The following PPP3CA variants were observed in gnomAD, a reference collection of about 807,000 sequenced individuals.
The protein encoded by PPP3CA is CAM-PRP catalytic subunit.
PPP3CA carries 14 observed loss-of-function variants against 66.5 expected under a neutral mutation model. The observed-to-expected ratio is 0.21, with a 90% confidence interval of 0.14 to 0.33. The LOEUF (loss-of-function observed/expected upper bound fraction) is 0.33, where lower values mean the gene tolerates loss of function less well. Ranked by LOEUF, PPP3CA falls within the 10% of genes least tolerant of loss-of-function variation. PPP3CA has a pLI of 1.00. For synonymous variants in PPP3CA, 232 were observed against 226.2 expected (o/e 1.03, Z -0.23); for missense variants, 317 against 639.5 (o/e 0.50, Z 5.44).
At position 101,139,130 on chromosome 4, in the gene PPP3CA, G is replaced by A. The variant is rs182345290; in HGVS notation, c.260-30052C>T. On this transcript the variant is annotated intron_variant, in intron 2 of 13. Coordinates refer to ENST00000394854, the MANE Select transcript of PPP3CA (RefSeq NM_000944.5). The stretch of plus-strand genomic sequence containing the variant: ...GAAGCTGAGGCAGGTGGATCACAAC[G>A]TCAGGAGATCAAGACCATCCTGCTA... 2.6e-4 allele frequency among the ~76,000 whole-genome samples: 40 copies of A among 152,070 alleles called. No individual in the cohort carries two copies. In the East Asian group the frequency reaches 5.2e-3, roughly 20 times the overall value.
intron 1 of PPP3CA, among the ~76,000 whole-genome samples, chr4:101,257,366 C>T (rs1726878741): frequency 6.7e-6 from 1 of 148,692 alleles, no homozygotes; most frequent in South Asian, 2.1e-4. Flanking sequence ...CATTCAGTGA[C>T]AGATCCAATG....
intron 1 of PPP3CA, among the ~76,000 whole-genome samples, chr4:101,311,648 CGT>C (rs1396742327): frequency 6.6e-6 from 1 of 152,102 alleles, no homozygotes; most frequent in Non-Finnish European, 1.5e-5. Context: ...GGCATGGTGG[CGT>C]GTGTCTGTAA....
At chr4:101,165,586 C>T (rs968450909) in intron 2 of PPP3CA, among the ~76,000 whole-genome samples, 2 of 152,050 alleles carry the variant, frequency 1.3e-5, no homozygotes, top group African/African-American at 4.8e-5. Context: ...AAGAAAAACC[C>T]TTGAACATCT....
chr4:101,124,719 AAGAAAGAGAAAGAAAG>A lies in PPP3CA; in HGVS notation c.260-15657_260-15642del, dbSNP rs1722162756. Among the ~76,000 whole-genome samples, 33 of 79,714 alleles carry A rather than the reference AAGAAAGAGAAAGAAAG, an allele frequency of 4.1e-4. 2 individuals are homozygous for A. Among genetic ancestry groups the A allele is most frequent in the African/African-American group, 1.3e-3 (28 of 22,228 alleles). 52.3% of individuals were successfully genotyped at this position (79,714 alleles called of 152,430 possible). A position where few individuals can be genotyped will look rare whatever the true frequency, so the allele number is the denominator to read the frequency against. ...AAAGAAAGAAAGAAAGAAAGAAAGA[AAGAAAGAGAAAGAAAG>A]AAAGAAAGAAAGAAAGAAAGAAAGA... On this transcript the variant is annotated intron_variant, in intron 2 of 13. Coordinates refer to ENST00000394854, the MANE Select transcript of PPP3CA (RefSeq NM_000944.5).
chr4:101,302,609 C>T (rs746515466), intron 1 of PPP3CA, among the ~76,000 whole-genome samples: 4 of 152,244 alleles, frequency 2.6e-5, no homozygotes, highest in Non-Finnish European at 5.9e-5. Flanking sequence ...CAGCTTACCG[C>T]AACCTCCGCC....
intron 1 of PPP3CA, among the ~76,000 whole-genome samples, chr4:101,294,030 A>C (rs1728115633): frequency 1.3e-5 from 2 of 152,240 alleles, no homozygotes; most frequent in African/African-American, 4.8e-5. Context: ...TTAACAAAGC[A>C]ATAAGGAAGA....
chr4:101,173,106 G>C lies in PPP3CA; in HGVS notation c.259+22810C>G, dbSNP rs560621418. Among the ~76,000 whole-genome samples, 8 of 152,302 alleles carry C rather than the reference G, an allele frequency of 5.3e-5. No individual in the cohort carries two copies. In the East Asian group the frequency reaches 1.5e-3, roughly 29 times the overall value. On this transcript the variant is annotated intron_variant, in intron 2 of 13. Coordinates refer to ENST00000394854, the MANE Select transcript of PPP3CA (RefSeq NM_000944.5). ...GTGTAAAAGTAGAGCCATTGGGCCA[G>C]TGTAATAATAACACAGCCCAGATTC...
chr4:101,336,022 T>C lies in PPP3CA; in HGVS notation c.58+10717A>G, dbSNP rs548105039. On this transcript the variant is annotated intron_variant, in intron 1 of 13. Transcript: ENST00000394854. ...GAGTTCAAGACCAGCCTGGTCAATA[T>C]GGTGAAACCCCATCTCTACTAAAAA... is the stretch of plus-strand genomic sequence containing the variant. Among the ~76,000 whole-genome samples, 6 of 151,494 alleles carry C rather than the reference T, an allele frequency of 4.0e-5. No homozygotes were observed. The South Asian group carries it at 8.3e-4, about 21-fold the overall frequency.
chr4:101,313,258 C>G (rs1728782197), intron 1 of PPP3CA, among the ~76,000 whole-genome samples: 1 of 152,018 alleles, frequency 6.6e-6, no homozygotes, highest in Admixed American at 6.5e-5. Flanking sequence ...AACTCCTGTC[C>G]TGAAACAATT....
intron 12 of PPP3CA, among the ~76,000 whole-genome samples, chr4:101,029,847 A>G (rs1004284143): frequency 2.7e-5 from 4 of 150,764 alleles, no homozygotes; most frequent in Non-Finnish European, 4.4e-5. Flanking sequence ...AAGGAAAAGG[A>G]AAAAAGGAAA....
chr4:101,183,240 T>C (rs1560645608), intron 2 of PPP3CA, among the ~76,000 whole-genome samples: 2 of 152,200 alleles, frequency 1.3e-5, no homozygotes, highest in East Asian at 3.9e-4. Flanking sequence ...CTCTGTCCCA[T>C]GGTTAGAATG....
At chr4:101,040,357 C>G in intron 11 of PPP3CA, 125 bp downstream of exon 11, 1 of 682,828 alleles carries the variant, frequency 1.5e-6, no homozygotes, top group Non-Finnish European at 2.2e-6. Context: ...AATTTTTAAT[C>G]TAAAAGGAAA....
intron 2 of PPP3CA, among the ~76,000 whole-genome samples, chr4:101,137,481 C>T (rs1173097893): frequency 6.6e-6 from 1 of 152,018 alleles, no homozygotes; most frequent in East Asian, 1.9e-4. Flanking sequence ...TAAACCTGTC[C>T]AGGCTCTCCC....
intron 8 of PPP3CA, among the ~76,000 whole-genome samples, chr4:101,071,249 G>T (rs1173147948): frequency 1.3e-5 from 2 of 152,152 alleles, no homozygotes; most frequent in Non-Finnish European, 2.9e-5. Context: ...TTTGTATCAG[G>T]CCTTGAGCTA....
chr4:101,276,312 A>G (rs1179630661), intron 1 of PPP3CA, among the ~76,000 whole-genome samples: 2 of 152,226 alleles, frequency 1.3e-5, no homozygotes, highest in African/African-American at 4.8e-5. Flanking sequence ...CCTCTAGAAC[A>G]AAACCAAATT....
chr4:101,243,460 G>A (rs993280796), intron 1 of PPP3CA, among the ~76,000 whole-genome samples: 1 of 151,956 alleles, frequency 6.6e-6, no homozygotes, highest in Non-Finnish European at 1.5e-5. Context: ...TCAACCAAAG[G>A]CAAATTAAAT....
chr4:101,067,884 A>C (rs1728751406), intron 8 of PPP3CA, among the ~76,000 whole-genome samples: 1 of 151,896 alleles, frequency 6.6e-6, no homozygotes, highest in Non-Finnish European at 1.5e-5. Flanking sequence ...TATTGCTAAC[A>C]AGTGGTATTA....
Position 101,266,947 on chromosome 4 carries a change from G to A in PPP3CA, c.59-70831C>T, listed in dbSNP as rs1227939531. 3.9e-5 allele frequency among the ~76,000 whole-genome samples: 6 copies of A among 152,300 alleles called. No homozygotes were observed. In the East Asian group the frequency reaches 1.2e-3, roughly 29 times the overall value. On this transcript the variant is annotated intron_variant, in intron 1 of 13. Coordinates refer to ENST00000394854, the MANE Select transcript of PPP3CA (RefSeq NM_000944.5). ...TCTTCATTTAAGCCAAATTCTGTAG[G>A]AGCATGAGACAGACGAACACCCCTA...
At chr4:101,077,459 A>G (rs981142216) in intron 8 of PPP3CA, among the ~76,000 whole-genome samples, 1 of 152,170 alleles carries the variant, frequency 6.6e-6, no homozygotes, top group Non-Finnish European at 1.5e-5. Context: ...TTGCAATCCA[A>G]TTTTATTACA....
Sources: gnomAD v4.1 joint callset for allele counts (sites outside exome capture counted in the v4.1 genomes callset) on GRCh38, gnomAD v4.1.1 for gene constraint, MANE v1.5 for transcripts, NCBI Gene and HGNC (gene_info 2026-07-23, HGNC 2026-07-21) for gene names.